WFDC10B: variants seen among roughly 807,000 people sequenced by gnomAD.
WFDC10B encodes protein WFDC10B.
A neutral mutation model predicts 2.7 loss-of-function variants in WFDC10B; 1 was observed. The ratio of observed to expected loss-of-function variants is 0.38; its 90% CI spans 0.13 to 1.79. The LOEUF (loss-of-function observed/expected upper bound fraction) is 1.79, where lower values mean the gene tolerates loss of function less well. Ranked by LOEUF, WFDC10B falls within the 40% of genes most tolerant of loss-of-function variation. WFDC10B has a pLI of 0.33. For missense variants in WFDC10B, 71 were observed against 87.8 expected, an observed-to-expected ratio of 0.81 and a Z score of 0.76; for synonymous variants, 26 against 32.2, an observed-to-expected ratio of 0.81 and a Z score of 0.65.
chr20:45,694,870 G>A (rs954185130), intron 2 of WFDC10B, among the ~76,000 whole-genome samples: 2 of 152,198 alleles, frequency 1.3e-5, no homozygotes, highest in African/African-American at 4.8e-5. Context: ...GAAGGAAGGA[G>A]TTGAAGCTCT....
At chr20:45,699,120 AAAT>A (rs1984069194) in intron 2 of WFDC10B, among the ~76,000 whole-genome samples, 1 of 152,198 alleles carries the variant, frequency 6.6e-6, no homozygotes, top group Non-Finnish European at 1.5e-5. Context: ...CTAAAAAGGA[AAAT>A]AATAAGTGCT....
chr20:45,685,452 T>C (rs565175932), intron 3 of WFDC10B, among the ~76,000 whole-genome samples: 1 of 152,274 alleles, frequency 6.6e-6, no homozygotes, highest in Non-Finnish European at 1.5e-5. Context: ...GATGTTATAC[T>C]TAACTTTGCC....
In WFDC10B at chr20:45,684,911, G is replaced by C. The variant is rs1983556610; in HGVS notation, c.141C>G (p.His47Gln). 4 of 1,614,072 alleles carry C rather than the reference G, an allele frequency of 2.5e-6. No individual in the cohort carries two copies. The highest frequency in any genetic ancestry group is 3.4e-6 in the Non-Finnish European group (4 of 1,179,976). ...KRPSIDLCIH[H>Q]CSYFQKCETN... ...TTTCACACTTTTGGAAATATGAACA[G>C]TGGTGGATGCATAGATCTATGCTGG... The change falls in exon 4 of 4, where the codon CAC becomes CAG. Residue 47 changes from histidine to glutamine, a missense_variant. Physicochemically the swap from His to Gln is conservative, Grantham distance 24 (BLOSUM62 0). Coordinates refer to ENST00000330523, the MANE Select transcript of WFDC10B (RefSeq NM_172006.2).
At position 45,689,172 on chromosome 20, in the gene WFDC10B, A is replaced by G. The variant is rs1471101842; in HGVS notation, c.-64-3116T>C. 2.7e-3 allele frequency among the ~76,000 whole-genome samples: 399 copies of G among 149,636 alleles called. 4 individuals carry two copies. The highest frequency in any genetic ancestry group is 9.1e-3 in the African/African-American group (363 of 40,042). ...TTGTAGATATGTGGCGTTATTTCTG[A>G]GGGCTCTGTTCTGTTCCATTGATCT... On this transcript the variant is annotated intron_variant, in intron 2 of 3. Transcript: ENST00000330523.
intron 2 of WFDC10B, among the ~76,000 whole-genome samples, chr20:45,698,204 A>T (rs1332324217): frequency 6.6e-6 from 1 of 152,226 alleles, no homozygotes; most frequent in Non-Finnish European, 1.5e-5. Flanking sequence ...AGCCAGTTGC[A>T]TGTTTTTCCC....
chr20:45,701,899 A>G, intron 2 of WFDC10B: 1 of 522,968 alleles, frequency 1.9e-6, no homozygotes. Context: ...CAAGGTCAAG[A>G]TTAGGGGAAT....
intron 3 of WFDC10B, among the ~76,000 whole-genome samples, chr20:45,685,584 C>G (rs998395321): frequency 6.6e-6 from 1 of 152,232 alleles, no homozygotes; most frequent in African/African-American, 2.4e-5. Flanking sequence ...GTGCATAAAT[C>G]AAAGAATAAT....
intron 2 of WFDC10B, chr20:45,702,092 G>T: frequency 6.2e-7 from 1 of 1,602,406 alleles, no homozygotes. Flanking sequence ...GCAACCCTTG[G>T]CCAGAACTTA....
intron 1 of WFDC10B, 129 bp downstream of exon 1, chr20:45,704,789 C>T (rs1984322638): frequency 1.6e-6 from 2 of 1,287,990 alleles, no homozygotes; most frequent in South Asian, 1.3e-5. Flanking sequence ...CTCCTCCCCT[C>T]CCAATCACCA....
chr20:45,698,588 A>C (rs929223231), intron 2 of WFDC10B, among the ~76,000 whole-genome samples: 2 of 151,882 alleles, frequency 1.3e-5, no homozygotes, highest in African/African-American at 4.8e-5. Flanking sequence ...AAAAAAAAAA[A>C]AAACCCAATT....
intron 2 of WFDC10B, among the ~76,000 whole-genome samples, chr20:45,694,873 G>C (rs1983932403): frequency 6.6e-6 from 1 of 152,130 alleles, no homozygotes; most frequent in Non-Finnish European, 1.5e-5. Flanking sequence ...GGAAGGAGTT[G>C]AAGCTCTATA....
Position 45,685,891 on chromosome 20 carries a change from C to T in WFDC10B, c.91+11G>A. On this transcript the variant is annotated intron_variant, in intron 3 of 3. Transcript: ENST00000330523. ...AACTCTCCATCACCCATCCAGCAGC[C>T]CATCACCTACTCTGCATCCTCATCT... 1 of 1,613,504 alleles carries T rather than the reference C, an allele frequency of 6.2e-7. No homozygotes were observed. The highest frequency in any genetic ancestry group is 8.5e-7 in the Non-Finnish European group (1 of 1,179,972).
chr20:45,690,051 A>AG (rs1382720614), intron 2 of WFDC10B, among the ~76,000 whole-genome samples: 1 of 152,094 alleles, frequency 6.6e-6, no homozygotes, highest in South Asian at 2.1e-4. Context: ...TTTAGCATGA[A>AG]GGTTGTTGAA....
intron 2 of WFDC10B, among the ~76,000 whole-genome samples, chr20:45,687,550 T>C (rs958902633): frequency 1.3e-5 from 2 of 152,208 alleles, no homozygotes; most frequent in African/African-American, 4.8e-5. Flanking sequence ...CTGGGTCAAA[T>C]GGTATTTCTG....
intron 3 of WFDC10B, 99 bp from the exon 4 acceptor site, chr20:45,685,059 T>G: frequency 6.7e-7 from 1 of 1,500,164 alleles, no homozygotes. Context: ...AAGGCACCCC[T>G]GCCACCACGA....
At chr20:45,685,613 G>A (rs567109031) in intron 3 of WFDC10B, among the ~76,000 whole-genome samples, 1 of 152,202 alleles carries the variant, frequency 6.6e-6, no homozygotes, top group East Asian at 1.9e-4. Flanking sequence ...TTTCCCATTG[G>A]ATTCTCAGCC....
intron 2 of WFDC10B, among the ~76,000 whole-genome samples, chr20:45,693,148 C>T (rs989344224): frequency 3.9e-5 from 6 of 152,256 alleles, no homozygotes; most frequent in East Asian, 1.9e-4. Context: ...AGTGGTTTTT[C>T]GTGAACCGCG....
intron 1 of WFDC10B, 139 bp downstream of exon 1, chr20:45,704,779 C>T: frequency 2.4e-6 from 3 of 1,274,162 alleles, no homozygotes; most frequent in Non-Finnish European, 3.3e-6. Flanking sequence ...TAGAAAAGCC[C>T]TCCTCCCCTC....
At chr20:45,702,793 C>T (rs1984220077) in intron 2 of WFDC10B, among the ~76,000 whole-genome samples, 1 of 152,224 alleles carries the variant, frequency 6.6e-6, no homozygotes, top group Non-Finnish European at 1.5e-5. Context: ...CTGCCCAGCT[C>T]AACTCAAAAG....
Sources: allele counts gnomAD v4.1 joint callset (sites outside exome capture counted in the v4.1 genomes callset), GRCh38; gene constraint gnomAD v4.1.1; transcripts MANE v1.5; gene names NCBI Gene and HGNC (gene_info 2026-07-23, HGNC 2026-07-21).